Variants in PCDHGB2 observed in about 807,000 individuals in gnomAD.
PCDHGB2 encodes the protein protocadherin gamma-B2.
PCDHGB2 carries 55 observed loss-of-function variants against 59.3 expected under a neutral mutation model. The ratio of observed to expected loss-of-function variants is 0.93; its 90% CI spans 0.75 to 1.16. The LOEUF (loss-of-function observed/expected upper bound fraction) is 1.16. Ranked by LOEUF, PCDHGB2 falls within the 50% of genes most tolerant of loss-of-function variation. The probability of loss-of-function intolerance (pLI) is 0.00; values close to 1 mark genes in which losing one functional copy is unlikely to be tolerated. For synonymous variants in PCDHGB2, 516 were observed against 512.0 expected (o/e 1.01, Z -0.11); for missense variants, 1,228 against 1,198.5 (o/e 1.02, Z -0.36).
At chr5:141,370,338 G>T in intron 1 of PCDHGB2, 1 of 1,456,378 alleles carries the variant, frequency 6.9e-7, no homozygotes, top group Non-Finnish European at 9.2e-7. Context: ...GAACTCTTGG[G>T]ATTATTTAAA....
chr5:141,487,477 C>A lies in PCDHGB2; in HGVS notation c.2422-7330C>A, dbSNP rs748435479. On this transcript the variant is annotated intron_variant, in intron 1 of 3. Transcript: ENST00000522605. The surrounding 1 kb of genome is among the most constrained non-coding windows in gnomAD (Gnocchi z 5.0). ...TCAAGTTTGTTGATGTGGGAGGCCA[C>A]TCTCATGGCTGTACACCCTTGGCTT... 1 of 1,614,200 alleles carries A rather than the reference C, an allele frequency of 6.2e-7. No individual in the cohort carries two copies. The highest frequency in any genetic ancestry group is 1.7e-5 in the Admixed American group (1 of 60,030).
Position 141,487,810 on chromosome 5 carries a change from C to T in PCDHGB2, c.2422-6997C>T. 7.1e-7 allele frequency: 1 copy of T among 1,417,854 alleles called. No homozygotes were observed. 87.8% of individuals were successfully genotyped at this position (1,417,854 alleles called of 1,614,324 possible). ...ATTAACCAGAGTTGTCACAGTTTAG[C>T]ATTGGGGGCGGGTCATGCCTATATC... is the stretch of plus-strand genomic sequence containing the variant. On this transcript the variant is annotated intron_variant, in intron 1 of 3. Coordinates refer to ENST00000522605, the MANE Select transcript of PCDHGB2 (RefSeq NM_018923.3). This position sits in a 1 kb window ranked among gnomAD's most constrained non-coding sequence, Gnocchi z 5.0.
intron 1 of PCDHGB2, chr5:141,421,325 G>A: frequency 6.2e-7 from 1 of 1,613,906 alleles, no homozygotes; most frequent in Non-Finnish European, 8.5e-7. Context: ...AGGCAGATCC[G>A]ATATTCGGTG....
At chr5:141,454,875 T>G (rs2098805612) in intron 1 of PCDHGB2, among the ~76,000 whole-genome samples, 1 of 144,402 alleles carries the variant, frequency 6.9e-6, no homozygotes, top group African/African-American at 2.6e-5. Context: ...TGGCACGATC[T>G]TGGCTCACTG....
At chr5:141,419,877 C>T in intron 1 of PCDHGB2, 3 of 1,614,062 alleles carry the variant, frequency 1.9e-6, no homozygotes, top group Non-Finnish European at 8.5e-7. Flanking sequence ...GAGGTACTGC[C>T]GGATTTCAGC....
In PCDHGB2 at chr5:141,489,844, C is replaced by A; in HGVS notation, c.2422-4963C>A. 2 of 1,614,148 alleles carry A rather than the reference C, an allele frequency of 1.2e-6. No individual in the cohort carries two copies. Among genetic ancestry groups the A allele is most frequent in the Non-Finnish European group, 1.7e-6 (2 of 1,179,982 alleles). On this transcript the variant is annotated intron_variant, in intron 1 of 3. Coordinates refer to ENST00000522605, the MANE Select transcript of PCDHGB2 (RefSeq NM_018923.3). The surrounding 1 kb of genome is among the most constrained non-coding windows in gnomAD (Gnocchi z 4.5). Reference sequence around the variant, plus strand: ...GCTGGTGCTAGAGCAGCAGCTGGATCGTGAAGCCCAGGCAAGACATCAGCT... The same window carrying A: ...GCTGGTGCTAGAGCAGCAGCTGGATAGTGAAGCCCAGGCAAGACATCAGCT...
rs765887978 is a variant in PCDHGB2 at position 141,486,476 on chromosome 5, C to T, written c.2422-8331C>T. The T allele has an allele frequency of 8.7e-6, 14 of 1,613,934 alleles. No homozygotes were observed. The highest frequency in any genetic ancestry group is 1.7e-5 in the Admixed American group (1 of 60,016). ...TGCTTCTGATGCTGGGAACCCTCCT[C>T]TCAGTACCCACAGAACTATTTTCCT... On this transcript the variant is annotated intron_variant, in intron 1 of 3. Transcript: ENST00000522605. This position sits in a 1 kb window ranked among gnomAD's most constrained non-coding sequence, Gnocchi z 5.0.
chr5:141,393,376 G>C (rs749009041), intron 1 of PCDHGB2: 2 of 1,613,842 alleles, frequency 1.2e-6, no homozygotes, highest in African/African-American at 2.7e-5. Flanking sequence ...GGAGACAATG[G>C]AGCCATAAAC....
intron 1 of PCDHGB2, chr5:141,394,696 C>A: frequency 6.2e-7 from 1 of 1,613,046 alleles, no homozygotes; most frequent in Non-Finnish European, 8.5e-7. Flanking sequence ...GAGGTGCGCA[C>A]GGCGCGAGCC....
At chr5:141,478,904 T>G in intron 1 of PCDHGB2, 1 of 958,800 alleles carries the variant, frequency 1.0e-6, no homozygotes, top group Non-Finnish European at 1.5e-6. Context: ...AGGAATAAGC[T>G]GCTGGATACC....
intron 1 of PCDHGB2, among the ~76,000 whole-genome samples, chr5:141,457,543 A>G (rs555448211): frequency 2.6e-5 from 4 of 152,346 alleles, no homozygotes; most frequent in African/African-American, 9.6e-5. Flanking sequence ...TTAATGACAA[A>G]TGTATGATAA....
rs767719494 is a variant in PCDHGB2 at position 141,491,200 on chromosome 5, C to T, written c.2422-3607C>T. On this transcript the variant is annotated intron_variant, in intron 1 of 3. Coordinates refer to ENST00000522605, the MANE Select transcript of PCDHGB2 (RefSeq NM_018923.3). This position sits in a 1 kb window ranked among gnomAD's most constrained non-coding sequence, Gnocchi z 6.9. The stretch of plus-strand genomic sequence containing the variant: ...GGTCCTGGTGAGGGACAATGGTGAC[C>T]CTTCACTCTCCTCCACAGCCACAGT... 4 of 1,614,158 alleles carry T rather than the reference C, an allele frequency of 2.5e-6. No individual in the cohort carries two copies. The highest frequency in any genetic ancestry group is 3.4e-6 in the Non-Finnish European group (4 of 1,180,000).
intron 2 of PCDHGB2, among the ~76,000 whole-genome samples, chr5:141,501,279 A>T (rs1180397181): frequency 3.0e-5 from 4 of 135,444 alleles, no homozygotes. Context: ...AGTCTATGGG[A>T]TATTCCCTTA....
chr5:141,410,185 T>A lies in PCDHGB2; in HGVS notation c.2421+47629T>A, dbSNP rs373680185. 10 of 1,613,812 alleles carry A rather than the reference T, an allele frequency of 6.2e-6. No individual in the cohort carries two copies. The African/African-American group carries it at 1.3e-4, about 22-fold the overall frequency. On this transcript the variant is annotated intron_variant, in intron 1 of 3. Transcript: ENST00000522605. ...CACTCTCTGCCACCGCCACGCTTCA[T>A]CTGGTCTTCGCAGACAACTTGCAAG...
chr5:141,384,252 C>T lies in PCDHGB2; in HGVS notation c.2421+21696C>T, dbSNP rs377503121. ...CAGACACCAACGATAACCCACCCAC[C>T]TTCCCCCACTCATCCTACTCAGTCT... is the stretch of plus-strand genomic sequence containing the variant. On this transcript the variant is annotated intron_variant, in intron 1 of 3. Coordinates refer to ENST00000522605, the MANE Select transcript of PCDHGB2 (RefSeq NM_018923.3). 204 of 1,613,902 alleles carry T rather than the reference C, an allele frequency of 1.3e-4. 1 individual carries two copies. The highest frequency in any genetic ancestry group is 1.5e-4 in the Non-Finnish European group (179 of 1,179,886).
chr5:141,383,144 G>A (rs1306014093), intron 1 of PCDHGB2: 19 of 1,614,132 alleles, frequency 1.2e-5, no homozygotes, highest in Non-Finnish European at 1.4e-5. Flanking sequence ...CAGCGCAGCG[G>A]CAGCTTGGTC....
Position 141,361,081 on chromosome 5 carries a change from A to G in PCDHGB2, c.946A>G (p.Thr316Ala). Residue 316 changes from threonine to alanine, a missense_variant, in exon 1 of 4, where the codon ACT (threonine) becomes GCT (alanine). By Grantham distance (58) the Thr-to-Ala change is moderately conservative. Around this residue, in one of 3 missense-constraint regions of PCDHGB2, gnomAD observed 781 missense variants for 721.6 expected, o/e 1.08. Transcript: ENST00000522605. Reference sequence around the variant, plus strand: ...GGATTTTGAGATTGCAAGTAGTTACACTCTGAGTATCGAAGCAAAAGATCC... The same window carrying G: ...GGATTTTGAGATTGCAAGTAGTTACGCTCTGAGTATCGAAGCAAAAGATCC... ...DLDFEIASSY[T>A]LSIEAKDPGD... 1 of 1,613,948 alleles carries G rather than the reference A, an allele frequency of 6.2e-7. No homozygotes were observed. The highest frequency in any genetic ancestry group is 8.5e-7 in the Non-Finnish European group (1 of 1,179,850).
intron 3 of PCDHGB2, among the ~76,000 whole-genome samples, chr5:141,507,617 C>T (rs1366723844): frequency 6.6e-6 from 1 of 152,278 alleles, no homozygotes; most frequent in African/African-American, 2.4e-5. Context: ...GTATATTTAG[C>T]TGTTGTGGCC....
At chr5:141,448,200 T>C (rs2098574351) in intron 1 of PCDHGB2, among the ~76,000 whole-genome samples, 1 of 152,156 alleles carries the variant, frequency 6.6e-6, no homozygotes, top group Non-Finnish European at 1.5e-5. Context: ...CTTACAAACA[T>C]TTTCTGTGTG....
Sources: gnomAD v4.1 joint callset for allele counts (sites outside exome capture counted in the v4.1 genomes callset) on GRCh38, gnomAD v4.1.1 for gene constraint, gnomAD v4.1.1 regional missense constraint, Gnocchi (gnomAD v3.1) non-coding constraint, MANE v1.5 for transcripts, NCBI Gene and HGNC (gene_info 2026-07-23, HGNC 2026-07-21) for gene names.